BLTP1: variants seen among roughly 807,000 people sequenced by gnomAD.
The protein encoded by BLTP1 is bridge-like lipid transfer protein family member 1.
chr4:122,273,426 C>G, the BLTP1 span: 2 of 984,652 alleles, frequency 2.0e-6, no homozygotes, highest in Admixed American at 6.2e-5. Context: ...CATCAGCCTT[C>G]CCTGGAAATA....
chr4:122,205,780 T>TCTCACACA, the BLTP1 span: 1 of 82,612 alleles, frequency 1.2e-5, no homozygotes, highest in Admixed American at 1.9e-4. Flanking sequence ...TCTTTCTCTG[T>TCTCACACA]CACATACACA....
chr4:122,161,022 G>GA, the BLTP1 span: 1 of 291,862 alleles, frequency 3.4e-6, no homozygotes, highest in Non-Finnish European at 5.1e-6. Flanking sequence ...ATAATTCACA[G>GA]AATTTCTAGT....
chr4:122,227,751 A>G, the BLTP1 span: 1 of 152,572 alleles, frequency 6.6e-6, no homozygotes, highest in Non-Finnish European at 1.5e-5. Flanking sequence ...TGGTGATAAA[A>G]ATTTTTTTTC....
At chr4:122,175,238 A>G in the BLTP1 span, 8 of 984,992 alleles carry the variant, frequency 8.1e-6, no homozygotes, top group Middle Eastern at 1.6e-3. Flanking sequence ...CAGTGCTCAC[A>G]CCTCACTTAA....
chr4:122,154,600 G>A, the BLTP1 span, among the ~76,000 whole-genome samples: 4 of 152,126 alleles, frequency 2.6e-5, no homozygotes, highest in South Asian at 2.1e-4. Context: ...ATGGCCGGGC[G>A]CGGTGGCTCA....
chr4:122,348,652 G>A, the BLTP1 span: 1 of 1,612,436 alleles, frequency 6.2e-7, no homozygotes. Context: ...CACTTGTCGT[G>A]TTTGCTATCA....
At chr4:122,339,050 ATGT>A in the BLTP1 span, 1 of 322,472 alleles carries the variant, frequency 3.1e-6, no homozygotes, top group South Asian at 1.2e-4. Flanking sequence ...TTTCCTGTAG[ATGT>A]TGTGGTTTAT....
At chr4:122,273,251 A>G in the BLTP1 span, 1 of 971,546 alleles carries the variant, frequency 1.0e-6, no homozygotes, top group African/African-American at 1.8e-5. Context: ...TTTTTGTTAT[A>G]TACCCTTCTT....
the BLTP1 span, chr4:122,287,754 G>T: frequency 2.1e-6 from 2 of 965,688 alleles, no homozygotes; most frequent in Non-Finnish European, 2.5e-6. Context: ...TAAGAGTTGG[G>T]ATTTCTGTGT....
chr4:122,290,571 AG>A, the BLTP1 span, among the ~76,000 whole-genome samples: 2 of 151,746 alleles, frequency 1.3e-5, no homozygotes. Context: ...GTGGATCATT[AG>A]GTCAGGAGGT....
the BLTP1 span, chr4:122,221,159 C>A: frequency 2.1e-6 from 1 of 486,264 alleles, no homozygotes; most frequent in Non-Finnish European, 2.7e-6. Context: ...GTGAATCTGA[C>A]AACCAGAAAT....
At chr4:122,187,462 A>C in the BLTP1 span, 1 of 1,612,302 alleles carries the variant, frequency 6.2e-7, no homozygotes, top group Non-Finnish European at 8.5e-7. Context: ...CCAAGACCCC[A>C]CATCTTCATG....
At chr4:122,286,584 G>A in the BLTP1 span, 1 of 1,614,066 alleles carries the variant, frequency 6.2e-7, no homozygotes, top group Admixed American at 1.7e-5. Flanking sequence ...ATCACAGATT[G>A]CGTTTTACTT....
At chr4:122,339,488 A>G in the BLTP1 span, 2 of 916,600 alleles carry the variant, frequency 2.2e-6, no homozygotes, top group Non-Finnish European at 3.0e-6. Flanking sequence ...TAATTAATAC[A>G]TATTTTAAAA....
chr4:122,182,535 C>T, the BLTP1 span: 29 of 501,994 alleles, frequency 5.8e-5, no homozygotes, highest in South Asian at 8.6e-4. Flanking sequence ...AGCTCCCCTC[C>T]GCTCCACATC....
chr4:122,167,586 T>TC, the BLTP1 span: 1 of 862,634 alleles, frequency 1.2e-6, no homozygotes. Flanking sequence ...CCATGGATGT[T>TC]CTTCTCCTTC....
the BLTP1 span, among the ~76,000 whole-genome samples, chr4:122,194,153 C>T: frequency 2.0e-5 from 3 of 152,180 alleles, no homozygotes; most frequent in Admixed American, 6.5e-5. Flanking sequence ...TGAGCCACTG[C>T]GCCCGGCCTC....
chr4:122,159,372 A>AG, the BLTP1 span, among the ~76,000 whole-genome samples: 2 of 151,740 alleles, frequency 1.3e-5, no homozygotes, highest in Non-Finnish European at 2.9e-5. Context: ...CTGAGGCAGG[A>AG]GAATCGCTTG....
chr4:122,271,502 A>C, the BLTP1 span: 1 of 1,613,518 alleles, frequency 6.2e-7, no homozygotes, highest in Non-Finnish European at 8.5e-7. Context: ...TTCATTAGGA[A>C]GATCTGAAAG....
Sources: allele counts gnomAD v4.1 joint callset (sites outside exome capture counted in the v4.1 genomes callset), GRCh38; gene constraint gnomAD v4.1.1; transcripts MANE v1.5; gene names NCBI Gene and HGNC (gene_info 2026-07-23, HGNC 2026-07-21).